Variants in WWOX observed in about 807,000 individuals in gnomAD.
WWOX encodes the protein WW domain-containing oxidoreductase.
WWOX carries 69 observed loss-of-function variants against 46.2 expected under a neutral mutation model. That is an observed-to-expected ratio of 1.49 (90% CI 1.23 to 1.82). The LOEUF (loss-of-function observed/expected upper bound fraction) is 1.82. Among genes scored for constraint, WWOX ranks in the 40% most tolerant of loss-of-function variants. The pLI is 0.00. For missense variants in WWOX, 919 were observed against 542.6 expected (o/e 1.69, Z -6.89); for synonymous variants, 359 against 202.6 (o/e 1.77, Z -6.56).
intron 8 of WWOX, among the ~76,000 whole-genome samples, chr16:78,790,486 A>G (rs1193461438): frequency 1.3e-5 from 2 of 152,112 alleles, no homozygotes; most frequent in Non-Finnish European, 2.9e-5. Flanking sequence ...TCCTCTAGAA[A>G]AGTCAGAAGG....
At chr16:79,134,787 A>T (rs2049951472) in intron 8 of WWOX, among the ~76,000 whole-genome samples, 1 of 152,190 alleles carries the variant, frequency 6.6e-6, no homozygotes, top group Admixed American at 6.5e-5. Flanking sequence ...CCACCCAGGG[A>T]TGGCTCCAGT....
intron 8 of WWOX, among the ~76,000 whole-genome samples, chr16:79,095,454 G>A (rs1460479192): frequency 6.6e-6 from 1 of 152,218 alleles, no homozygotes; most frequent in African/African-American, 2.4e-5. Flanking sequence ...CCAGGCAGCA[G>A]AAGAGGTGGG....
At chr16:78,336,566 T>C (rs2080893806) in intron 5 of WWOX, among the ~76,000 whole-genome samples, 1 of 133,124 alleles carries the variant, frequency 7.5e-6, no homozygotes, top group Admixed American at 7.7e-5. Flanking sequence ...AGCAAAGGAG[T>C]CTTGTGGAAG....
chr16:78,498,450 G>A (rs190826297), intron 8 of WWOX, among the ~76,000 whole-genome samples: 76 of 152,198 alleles, frequency 5.0e-4, no homozygotes, highest in Non-Finnish European at 4.4e-4. Context: ...ACCACACATG[G>A]CCTGCTCACA....
intron 8 of WWOX, among the ~76,000 whole-genome samples, chr16:78,786,187 G>C (rs2050451599): frequency 6.6e-6 from 1 of 152,208 alleles, no homozygotes; most frequent in South Asian, 2.1e-4. Flanking sequence ...TGGGATTACA[G>C]GCGTGAGCCA....
rs777231706 is a variant in WWOX, at chr16:78,644,296, G to C, written c.1056+211544G>C. 1.2e-3 allele frequency among the ~76,000 whole-genome samples: 186 copies of C among 152,102 alleles called. 3 individuals are homozygous for C. Among genetic ancestry groups the C allele is most frequent in the Non-Finnish European group, 6.8e-4 (46 of 68,024 alleles). On this transcript the variant is annotated intron_variant, in intron 8 of 8. Coordinates refer to ENST00000566780, the MANE Select transcript of WWOX (RefSeq NM_016373.4). ...CCTCCCCACCCTAAGCATCTGATCA[G>C]ACAGGTAGTGCTGGTGGACAGATGG...
intron 8 of WWOX, among the ~76,000 whole-genome samples, chr16:79,164,561 C>T (rs1161651623): frequency 6.6e-6 from 1 of 152,104 alleles, no homozygotes; most frequent in Non-Finnish European, 1.5e-5. Context: ...GACAGGCGTC[C>T]AGAGCAAGAA....
chr16:78,148,724 C>T (rs535180507), intron 4 of WWOX, among the ~76,000 whole-genome samples: 2 of 151,624 alleles, frequency 1.3e-5, no homozygotes, highest in South Asian at 2.1e-4. Context: ...GGTGAAACCC[C>T]GTCTCTACTA....
chr16:78,668,574 C>G (rs1484699979), intron 8 of WWOX, among the ~76,000 whole-genome samples: 1 of 151,984 alleles, frequency 6.6e-6, no homozygotes, highest in Non-Finnish European at 1.5e-5. Context: ...GACAAAGTTA[C>G]CAAGAGAGGT....
chr16:79,080,616 G>T (rs959570426), intron 8 of WWOX, among the ~76,000 whole-genome samples: 1 of 152,106 alleles, frequency 6.6e-6, no homozygotes, highest in Non-Finnish European at 1.5e-5. Context: ...ACTCAATCTG[G>T]ACCCAGTATC....
At chr16:79,030,195 G>A (rs544111405) in intron 8 of WWOX, among the ~76,000 whole-genome samples, 1 of 152,304 alleles carries the variant, frequency 6.6e-6, no homozygotes, top group South Asian at 2.1e-4. Context: ...AAAAATGCAT[G>A]TCTGTTAGGA....
At chr16:78,811,550 T>G (rs953286852) in intron 8 of WWOX, among the ~76,000 whole-genome samples, 1 of 151,942 alleles carries the variant, frequency 6.6e-6, no homozygotes, top group Admixed American at 6.6e-5. Context: ...TTTGTATTTC[T>G]AGGAGAAACG....
intron 6 of WWOX, among the ~76,000 whole-genome samples, chr16:78,403,598 G>A (rs558755004): frequency 2.0e-5 from 3 of 152,216 alleles, no homozygotes; most frequent in African/African-American, 7.2e-5. Flanking sequence ...TGCATTTTAT[G>A]TATTCAGGAG....
intron 8 of WWOX, among the ~76,000 whole-genome samples, chr16:78,948,774 A>G (rs1229531068): frequency 2.0e-5 from 3 of 152,144 alleles, no homozygotes; most frequent in South Asian, 4.2e-4. Flanking sequence ...GTAACATGAC[A>G]AAAGGGACCT....
At position 79,185,341 on chromosome 16, in the gene WWOX, G is replaced by A. The variant is rs541934318; in HGVS notation, c.1057-26267G>A. ...AACCCATCCTCCGCTTTGGTGGCAG[G>A]CAGTTCATCTTCTCACCTCTACTTA... On this transcript the variant is annotated intron_variant, in intron 8 of 8. Transcript: ENST00000566780. Among the ~76,000 whole-genome samples the A allele has an allele frequency of 1.4e-4, 22 of 152,264 alleles. No individual in the cohort carries two copies. The South Asian group carries it at 4.6e-3, about 32-fold the overall frequency.
intron 8 of WWOX, among the ~76,000 whole-genome samples, chr16:78,652,191 C>T (rs555830230): frequency 5.9e-5 from 9 of 152,102 alleles, no homozygotes; most frequent in South Asian, 2.1e-4. Flanking sequence ...GTGGGCAGAT[C>T]ACGAGGTCAA....
At chr16:78,629,502 C>T (rs544535460) in intron 8 of WWOX, among the ~76,000 whole-genome samples, 2 of 152,220 alleles carry the variant, frequency 1.3e-5, no homozygotes, top group African/African-American at 4.8e-5. Flanking sequence ...CTACTTGCCA[C>T]TCCCTGCTTA....
At chr16:78,427,542 GCA>G (rs145433869) in intron 7 of WWOX, among the ~76,000 whole-genome samples, 1 of 150,018 alleles carries the variant, frequency 6.7e-6, no homozygotes, top group Non-Finnish European at 1.5e-5. Context: ...ACGCACGCAC[GCA>G]CACACACACA....
chr16:78,654,851 C>T (rs192264735), intron 8 of WWOX, among the ~76,000 whole-genome samples: 4 of 151,510 alleles, frequency 2.6e-5, no homozygotes, highest in Non-Finnish European at 5.9e-5. Context: ...CGTAAGGTCC[C>T]GTCAATGCAG....
Sources: gnomAD v4.1 joint callset for allele counts (sites outside exome capture counted in the v4.1 genomes callset) on GRCh38, gnomAD v4.1.1 for gene constraint, MANE v1.5 for transcripts, NCBI Gene and HGNC (gene_info 2026-07-23, HGNC 2026-07-21) for gene names.